TET3: variants seen among roughly 807,000 people sequenced by gnomAD.
TET3 encodes methylcytosine dioxygenase TET3.
In TET3, 19 loss-of-function variants were observed where a neutral mutation model predicts 141.4. The observed-to-expected ratio is 0.13, with a 90% CI of 0.09 to 0.20. The LOEUF (loss-of-function observed/expected upper bound fraction) is 0.20. Among genes scored for constraint, TET3 ranks in the 10% least tolerant of loss-of-function variants. The pLI, the probability that TET3 is intolerant of heterozygous loss-of-function variation, is 1.00. For missense variants in TET3, 1,874 were observed against 2,356.9 expected, an observed-to-expected ratio of 0.80 and a Z score of 4.24; for synonymous variants, 1,043 against 980.9, an observed-to-expected ratio of 1.06 and a Z score of -1.18.
chr2:74,038,827 G>A (rs368642014), intron 3 of TET3, among the ~76,000 whole-genome samples: 6 of 152,202 alleles, frequency 3.9e-5, no homozygotes, highest in African/African-American at 9.6e-5. Flanking sequence ...CTAACAGAAC[G>A]TGGCTGTGCA....
chr2:74,046,662 G>A lies in TET3; in HGVS notation c.745G>A (p.Gly249Ser). The change falls in exon 4 of 12, where the codon GGC becomes AGC. Residue 249 changes from glycine to serine, a missense_variant. Physicochemically the swap from Gly to Ser is moderately conservative, Grantham distance 56 (BLOSUM62 0). Coordinates refer to ENST00000409262, the MANE Select transcript of TET3 (RefSeq NM_001287491.2). The surrounding 1 kb of genome is among the most constrained non-coding windows in gnomAD (Gnocchi z 4.3). Reference protein sequence around the residue: ...PRPGPEGCSAGSEDLDTLQTA... With the variant: ...PRPGPEGCSASSEDLDTLQTA... ...GCCAGGGCCTGAGGGCTGCTCTGCT[G>A]GCAGCGAAGACCTTGACACACTGCA... 1 of 1,614,058 alleles carries A rather than the reference G, an allele frequency of 6.2e-7. No homozygotes were observed. The highest frequency in any genetic ancestry group is 8.5e-7 in the Non-Finnish European group (1 of 1,179,892).
intron 4 of TET3, among the ~76,000 whole-genome samples, chr2:74,048,886 G>A (rs1210005229): frequency 6.6e-6 from 1 of 152,324 alleles, no homozygotes; most frequent in African/African-American, 2.4e-5. Context: ...GATGGTGTCA[G>A]GGGCCAGATT....
At chr2:74,121,934 G>T in the TET3 span, 1 of 152,308 alleles carries the variant, frequency 6.6e-6, no homozygotes, top group Non-Finnish European at 1.5e-5. Flanking sequence ...GGAGGTGGAG[G>T]TTGCAGTAAG....
At chr2:74,095,842 G>A (rs1305393868) in intron 10 of TET3, among the ~76,000 whole-genome samples, 1 of 152,234 alleles carries the variant, frequency 6.6e-6, no homozygotes, top group African/African-American at 2.4e-5. Context: ...GCAGTAACCT[G>A]CTTGAGATTG....
Position 74,047,723 on chromosome 2 carries a change from T to A in TET3, c.1806T>A (p.Ser602Arg). 5.0e-6 allele frequency: 8 copies of A among 1,613,602 alleles called. No homozygotes were observed. Among genetic ancestry groups the A allele is most frequent in the Non-Finnish European group, 6.8e-6 (8 of 1,179,734 alleles). The change falls in exon 4 of 12, where the codon AGT becomes AGA. Residue 602 changes from serine to arginine, a missense_variant. Around this residue, in one of 10 missense-constraint regions of TET3, gnomAD observed 484 missense variants for 462.2 expected, o/e 1.05. Transcript: ENST00000409262. ...TEKAAPGIKP[S>R]VRKPIQIKKS... ...AAGCTGCCCCTGGGATCAAGCCCAG[T>A]GTCCGAAAGCCCATTCAGATCAAGA...
chr2:74,006,650 C>T (rs1209533485), intron 3 of TET3, among the ~76,000 whole-genome samples: 1 of 152,156 alleles, frequency 6.6e-6, no homozygotes, highest in Non-Finnish European at 1.5e-5. Context: ...TCCCATACCC[C>T]GGAGGCTGCA....
the TET3 span, chr2:74,120,545 G>C: frequency 6.6e-6 from 1 of 152,318 alleles, no homozygotes; most frequent in Non-Finnish European, 1.5e-5. Context: ...GTCGTCGCGG[G>C]TTCTTCCGGC....
intron 6 of TET3, among the ~76,000 whole-genome samples, chr2:74,083,320 G>A (rs536528287): frequency 1.6e-4 from 24 of 152,348 alleles, no homozygotes; most frequent in Non-Finnish European, 2.8e-4. Context: ...GAACTCCAGA[G>A]ATGCTGCCCA....
At position 74,093,737 on chromosome 2, in the gene TET3, GA is replaced by G. The variant is rs1690645008; in HGVS notation, c.3267+74del. 1 of 1,451,862 alleles carries G rather than the reference GA, an allele frequency of 6.9e-7. No homozygotes were observed. The highest frequency in any genetic ancestry group is 9.1e-7 in the Non-Finnish European group (1 of 1,093,162). The allele number at this position is 1,451,862 out of a possible 1,614,324, so 89.9% of individuals were successfully genotyped here. A position where few individuals can be genotyped will look rare whatever the true frequency, so the allele number is the denominator to read the frequency against. On this transcript the variant is annotated intron_variant, in intron 10 of 11. Transcript: ENST00000409262. The surrounding 1 kb of genome is among the most constrained non-coding windows in gnomAD (Gnocchi z 4.2). Reference sequence around the variant, plus strand: ...GAGGGAGTCCACCGTGGTCTTTTCAGAAAGGCAGGCTGAGGGTAGGGAGGGA... The same window carrying G: ...GAGGGAGTCCACCGTGGTCTTTTCAGAAGGCAGGCTGAGGGTAGGGAGGGA...
rs186670767 is a variant in TET3 at position 74,042,770 on chromosome 2, G to A, written c.361-3508G>A. Reference sequence around the variant, plus strand: ...TCTCCTTCTCTTGCCTGTTGGCCCCGTCTCCTGCTGGCAGGTTTCCTCCAG... The same window carrying A: ...TCTCCTTCTCTTGCCTGTTGGCCCCATCTCCTGCTGGCAGGTTTCCTCCAG... On this transcript the variant is annotated intron_variant, in intron 3 of 11. Transcript: ENST00000409262. Among the ~76,000 whole-genome samples, 5 of 152,326 alleles carry A rather than the reference G, an allele frequency of 3.3e-5. No individual in the cohort carries two copies. The East Asian group carries it at 9.6e-4, about 29-fold the overall frequency.
intron 3 of TET3, among the ~76,000 whole-genome samples, chr2:74,014,047 C>A (rs1469248548): frequency 6.6e-6 from 1 of 151,018 alleles, no homozygotes; most frequent in Non-Finnish European, 1.5e-5. Context: ...TATATTTTTT[C>A]TTTTTCTTCC....
intron 3 of TET3, among the ~76,000 whole-genome samples, chr2:74,014,458 G>A (rs947701132): frequency 6.6e-6 from 1 of 152,140 alleles, no homozygotes; most frequent in East Asian, 1.9e-4. Flanking sequence ...CAGCTAGGCA[G>A]TGCAGCACTT....
Position 74,093,055 on chromosome 2 carries a change from A to C in TET3, c.3129+64A>C, listed in dbSNP as rs1690597831. The C allele has an allele frequency of 6.8e-6, 10 of 1,463,720 alleles. No homozygotes were observed. The highest frequency in any genetic ancestry group is 2.4e-5 in the South Asian group (2 of 82,244). The allele number at this position is 1,463,720 out of a possible 1,614,324, so 90.7% of individuals were successfully genotyped here. A position where few individuals can be genotyped will look rare whatever the true frequency, so the allele number is the denominator to read the frequency against. On this transcript the variant is annotated intron_variant, in intron 9 of 11. Coordinates refer to ENST00000409262, the MANE Select transcript of TET3 (RefSeq NM_001287491.2). The surrounding 1 kb of genome is among the most constrained non-coding windows in gnomAD (Gnocchi z 4.2). ...GTCCACATCTCTGCTCAGGCTCTGAAGGTGGGAAGTGGGAGAGTGGGCTCT... is the reference window on the plus strand; with the variant it reads ...GTCCACATCTCTGCTCAGGCTCTGACGGTGGGAAGTGGGAGAGTGGGCTCT...
chr2:74,134,682 A>G, the TET3 span: 6 of 456,564 alleles, frequency 1.3e-5, no homozygotes, highest in Middle Eastern at 3.2e-4. Context: ...GGCAGTCACA[A>G]GATGTCTGAG....
At chr2:74,113,666 A>T in the TET3 span, among the ~76,000 whole-genome samples, 1 of 152,196 alleles carries the variant, frequency 6.6e-6, no homozygotes, top group Non-Finnish European at 1.5e-5. Flanking sequence ...AACTTAGCTG[A>T]AAAAGAAATC....
chr2:74,029,128 G>T (rs1482058013), intron 3 of TET3, among the ~76,000 whole-genome samples: 1 of 152,156 alleles, frequency 6.6e-6, no homozygotes, highest in Admixed American at 6.5e-5. Flanking sequence ...GTCCCCAAAG[G>T]CTTACTAGAC....
chr2:73,999,491 C>T (rs556233779), intron 2 of TET3, among the ~76,000 whole-genome samples: 3 of 152,222 alleles, frequency 2.0e-5, no homozygotes, highest in East Asian at 1.9e-4. Flanking sequence ...TGTGTTCCTT[C>T]GTCTTTGAAT....
At chr2:74,077,947 A>C (rs1477944480) in intron 5 of TET3, among the ~76,000 whole-genome samples, 2 of 152,236 alleles carry the variant, frequency 1.3e-5, no homozygotes, top group Non-Finnish European at 2.9e-5. Context: ...GGAACCAGAC[A>C]AAAGCAGCAT....
upstream of TET3, among the ~76,000 whole-genome samples, chr2:73,983,814 G>T (rs927602879): frequency 1.3e-5 from 2 of 152,214 alleles, no homozygotes; most frequent in Non-Finnish European, 2.9e-5. Context: ...GCCAGGACTC[G>T]CCCGAGTGTG....
Sources: gnomAD v4.1 joint callset for allele counts (sites outside exome capture counted in the v4.1 genomes callset) on GRCh38, gnomAD v4.1.1 for gene constraint, gnomAD v4.1.1 regional missense constraint, Gnocchi (gnomAD v3.1) non-coding constraint, MANE v1.5 for transcripts, NCBI Gene and HGNC (gene_info 2026-07-23, HGNC 2026-07-21) for gene names.